The following OSTF1 variants were observed in gnomAD, a reference collection of about 807,000 sequenced individuals.
OSTF1 encodes the protein osteoclast-stimulating factor 1.
In OSTF1, 27 loss-of-function variants were observed where a neutral mutation model predicts 37.2. The observed-to-expected ratio is 0.73, with a 90% CI of 0.54 to 1.00. The LOEUF is 1.00. Among genes scored for constraint, OSTF1 ranks in the 50% least tolerant of loss-of-function variants. OSTF1 has a pLI of 0.00. For missense variants in OSTF1, 232 were observed against 253.8 expected (o/e 0.91, Z 0.58); for synonymous variants, 82 against 89.2 (o/e 0.92, Z 0.46).
rs1824852244 is a variant in OSTF1 at position 75,088,591 on chromosome 9, GT to G, written c.-101del. The G allele has an allele frequency of 1.5e-6, 2 of 1,300,606 alleles. No homozygotes were observed. Among genetic ancestry groups the G allele is most frequent in the Non-Finnish European group, 2.2e-6 (2 of 917,924 alleles). The allele number at this position is 1,300,606 out of a possible 1,614,324, so 80.6% of individuals were successfully genotyped here. A position where few individuals can be genotyped will look rare whatever the true frequency, so the allele number is the denominator to read the frequency against. ...CGCCGGTCCTAGGAGGCGCACGGTT[GT>G]AAGCCAGACAAAAAGAACTGGGGTG... On this transcript the variant is annotated 5_prime_UTR_variant, in exon 1 of 10. Coordinates refer to ENST00000346234, the MANE Select transcript of OSTF1 (RefSeq NM_012383.5).
intron 2 of OSTF1, among the ~76,000 whole-genome samples, chr9:75,122,679 G>A (rs1403139238): frequency 6.6e-6 from 1 of 152,180 alleles, no homozygotes; most frequent in Non-Finnish European, 1.5e-5. Context: ...GTTCTACCAT[G>A]TACCTGCTCT....
chr9:75,143,203 G>A (rs6560423), intron 9 of OSTF1, among the ~76,000 whole-genome samples: 98,518 of 151,982 alleles, frequency 0.65, 32,148 homozygotes, highest in Non-Finnish European at 0.69. Flanking sequence ...GGCCTCCCAA[G>A]GTAGTTGTTG....
chr9:75,144,152 G>A (rs1319695853), intron 9 of OSTF1, among the ~76,000 whole-genome samples: 1 of 152,134 alleles, frequency 6.6e-6, no homozygotes, highest in Non-Finnish European at 1.5e-5. Flanking sequence ...GGTGTGTGTT[G>A]GGGGAGAACA....
chr9:75,090,294 GGTGTGTGTGTGTGTGTGT>G (rs3837221), intron 1 of OSTF1, among the ~76,000 whole-genome samples: 11 of 149,464 alleles, frequency 7.4e-5, no homozygotes, highest in African/African-American at 2.0e-4. Context: ...GACATTGACA[GGTGTGTGTGTGTGTGTGT>G]GTGTGTGTGT....
intron 1 of OSTF1, among the ~76,000 whole-genome samples, chr9:75,104,314 G>A (rs1270405209): frequency 6.6e-6 from 1 of 152,092 alleles, no homozygotes; most frequent in Admixed American, 6.5e-5. Context: ...GAAGGACAAG[G>A]CAAGAGGATT....
chr9:75,090,257 A>G (rs1206778484), intron 1 of OSTF1, among the ~76,000 whole-genome samples: 2 of 151,978 alleles, frequency 1.3e-5, no homozygotes, highest in Non-Finnish European at 2.9e-5. Flanking sequence ...CATGCGTATT[A>G]AATGCTGTCT....
intron 1 of OSTF1, 58 bp downstream of exon 1, chr9:75,088,784 T>G: frequency 2.0e-6 from 3 of 1,528,190 alleles, no homozygotes; most frequent in Non-Finnish European, 2.7e-6. Context: ...TGCCGGCGCC[T>G]CCTCTGCAGC....
intron 3 of OSTF1, among the ~76,000 whole-genome samples, chr9:75,127,877 A>G (rs1825685715): frequency 6.6e-6 from 1 of 152,046 alleles, no homozygotes; most frequent in Non-Finnish European, 1.5e-5. Flanking sequence ...TCTATATGCT[A>G]TTATGAAGTA....
chr9:75,139,571 G>C (rs1330023847), intron 8 of OSTF1, among the ~76,000 whole-genome samples: 1 of 152,024 alleles, frequency 6.6e-6, no homozygotes, highest in Admixed American at 6.5e-5. Flanking sequence ...TGGGATTACA[G>C]GCATGCGCCA....
At chr9:75,101,800 C>G (rs1048251768) in intron 1 of OSTF1, among the ~76,000 whole-genome samples, 2 of 152,146 alleles carry the variant, frequency 1.3e-5, no homozygotes, top group South Asian at 4.1e-4. Context: ...TCAGTTCTGT[C>G]TCTAGTGATT....
intron 2 of OSTF1, among the ~76,000 whole-genome samples, chr9:75,120,900 A>G (rs1055277361): frequency 4.6e-5 from 7 of 152,108 alleles, no homozygotes; most frequent in Non-Finnish European, 7.4e-5. Context: ...TTCCAAGCTG[A>G]CATTAAATAC....
At position 75,128,581 on chromosome 9, in the gene OSTF1, CATAT is replaced by C. The variant is rs57516721; in HGVS notation, c.132+985_132+988del. 0.01 allele frequency among the ~76,000 whole-genome samples: 21 copies of C among 2,100 alleles called. 5 individuals are homozygous for C. In the East Asian group the frequency reaches 0.12, roughly 12 times the overall value. 1.4% of individuals were successfully genotyped at this position (2,100 alleles called of 152,430 possible). The stretch of plus-strand genomic sequence containing the variant: ...TATATATATATATATATATTTTGTC[CATAT>C]ATATATATATATATATATATATTTT... On this transcript the variant is annotated intron_variant, in intron 3 of 9. Coordinates refer to ENST00000346234, the MANE Select transcript of OSTF1 (RefSeq NM_012383.5).
intron 1 of OSTF1, among the ~76,000 whole-genome samples, chr9:75,097,421 TAAAACTC>T (rs963966839): frequency 2.6e-5 from 4 of 152,090 alleles, no homozygotes; most frequent in African/African-American, 9.7e-5. Flanking sequence ...AAACCAAAAA[TAAAACTC>T]TAAGCTCCCC....
At chr9:75,117,824 G>A (rs987273942) in intron 2 of OSTF1, among the ~76,000 whole-genome samples, 1 of 152,172 alleles carries the variant, frequency 6.6e-6, no homozygotes, top group African/African-American at 2.4e-5. Context: ...AAAGCACAGC[G>A]ACCCTGTCTT....
intron 1 of OSTF1, among the ~76,000 whole-genome samples, chr9:75,103,317 T>A (rs1223431278): frequency 4.6e-5 from 7 of 152,136 alleles, no homozygotes; most frequent in Non-Finnish European, 1.0e-4. Context: ...AAAATACAGG[T>A]ACCTTATAAG....
chr9:75,143,366 A>T (rs542246011), intron 9 of OSTF1, among the ~76,000 whole-genome samples: 2 of 152,148 alleles, frequency 1.3e-5, no homozygotes, highest in Non-Finnish European at 2.9e-5. Flanking sequence ...TTTGTGTATA[A>T]TTTACATTAA....
At position 75,134,409 on chromosome 9, in the gene OSTF1, T is replaced by G; in HGVS notation, c.408+14T>G. 1 of 1,452,858 alleles carries G rather than the reference T, an allele frequency of 6.9e-7. No homozygotes were observed. The allele number at this position is 1,452,858 out of a possible 1,614,324, so 90.0% of individuals were successfully genotyped here. On this transcript the variant is annotated intron_variant, in intron 7 of 9. Coordinates refer to ENST00000346234, the MANE Select transcript of OSTF1 (RefSeq NM_012383.5). The stretch of plus-strand genomic sequence containing the variant: ...CTGAACCAGCAGGTAAGACTGCTTA[T>G]TTGAAAATTATTTAACACATACCTG...
At chr9:75,122,711 A>T (rs1305832153) in intron 2 of OSTF1, among the ~76,000 whole-genome samples, 1 of 152,202 alleles carries the variant, frequency 6.6e-6, no homozygotes, top group Non-Finnish European at 1.5e-5. Flanking sequence ...GAGGTTTCTC[A>T]TCTGTAACAT....
chr9:75,144,595 G>T (rs1333396034), intron 9 of OSTF1, among the ~76,000 whole-genome samples: 1 of 152,056 alleles, frequency 6.6e-6, no homozygotes, highest in African/African-American at 2.4e-5. Flanking sequence ...TCTCTCTCTT[G>T]CAAGATAAAT....
Sources: gnomAD v4.1 joint callset for allele counts (sites outside exome capture counted in the v4.1 genomes callset) on GRCh38, gnomAD v4.1.1 for gene constraint, MANE v1.5 for transcripts, NCBI Gene and HGNC (gene_info 2026-07-23, HGNC 2026-07-21) for gene names.